Variants in PSMD3 observed in about 807,000 individuals in gnomAD.
PSMD3 encodes proteasome 26S subunit, non-ATPase 3, also known as 26S proteasome non-ATPase regulatory subunit 3.
In PSMD3, 5 loss-of-function variants were observed where a neutral mutation model predicts 62.8. That is an observed-to-expected ratio of 0.08 (90% CI 0.04 to 0.17). PSMD3 has a LOEUF of 0.17. PSMD3 is among the 10% of genes least tolerant of loss of function. PSMD3 has a pLI of 1.00. For synonymous variants in PSMD3, 265 were observed against 283.9 expected (o/e 0.93, Z 0.67); for missense variants, 524 against 713.6 (o/e 0.73, Z 3.03).
rs555631976 is a variant in PSMD3 at position 39,981,059 on chromosome 17, C to G, written c.89C>G (p.Pro30Arg). The change falls in exon 1 of 12, where the codon CCG (proline) becomes CGG (arginine). Residue 30 changes from proline (P) to arginine (R), a missense_variant. Physicochemically the swap from Pro to Arg is moderately radical, Grantham distance 103 (BLOSUM62 -2). Coordinates refer to ENST00000264639, the MANE Select transcript of PSMD3 (RefSeq NM_002809.4). ...GGAGAACAAGAACCCCCACCGCCGC[C>G]GGCCCCCCAGGATGTGGAGATGAAA... ...GGGEQEPPPPPAPQDVEMKEE... is the reference protein window; with the variant it reads ...GGGEQEPPPPRAPQDVEMKEE... 1.9e-6 allele frequency: 3 copies of G among 1,550,052 alleles called. No individual in the cohort carries two copies. Among genetic ancestry groups the G allele is most frequent in the Non-Finnish European group, 2.6e-6 (3 of 1,146,696 alleles).
chr17:39,991,042 G>A (rs1980643165), intron 6 of PSMD3, among the ~76,000 whole-genome samples: 1 of 151,994 alleles, frequency 6.6e-6, no homozygotes, highest in South Asian at 2.1e-4. Context: ...GCAATGGCAC[G>A]ATCTTTTCTC....
chr17:39,995,609 C>G lies in PSMD3; in HGVS notation c.1320+82C>G. The G allele has an allele frequency of 1.5e-6, 2 of 1,356,020 alleles. No individual in the cohort carries two copies. The highest frequency in any genetic ancestry group is 2.1e-6 in the Non-Finnish European group (2 of 952,874). The allele number at this position is 1,356,020 out of a possible 1,614,324, so 84.0% of individuals were successfully genotyped here. ...GAGGCAGGAGTGGGAGGAGTTTGGCCAAGGAGGGGAATAGGTAAAGCAATG... is the reference window on the plus strand; with the variant it reads ...GAGGCAGGAGTGGGAGGAGTTTGGCGAAGGAGGGGAATAGGTAAAGCAATG... On this transcript the variant is annotated intron_variant, in intron 9 of 11. Transcript: ENST00000264639. This position sits in a 1 kb window ranked among gnomAD's most constrained non-coding sequence, Gnocchi z 4.1.
At chr17:39,987,058 A>T (rs2144810151) in intron 3 of PSMD3, among the ~76,000 whole-genome samples, 1 of 152,342 alleles carries the variant, frequency 6.6e-6, no homozygotes, top group African/African-American at 2.4e-5. Context: ...TATATGTAAG[A>T]TGGGGATAAT....
rs1163295493 is a variant in PSMD3 at position 39,997,922 on chromosome 17, G to T, written c.*341G>T. ...TGGCTTGTATGTTTTTTGAAGCTTC[G>T]ATTATGATTTTTAAACAATAAAAAG... On this transcript the variant is annotated 3_prime_UTR_variant, in exon 12 of 12. Coordinates refer to ENST00000264639, the MANE Select transcript of PSMD3 (RefSeq NM_002809.4). 5 of 346,274 alleles carry T rather than the reference G, an allele frequency of 1.4e-5. No homozygotes were observed. The East Asian group carries it at 2.9e-4, about 20-fold the overall frequency. 21.5% of individuals were successfully genotyped at this position (346,274 alleles called of 1,614,324 possible).
chr17:39,989,951 A>G (rs758019494), intron 5 of PSMD3, 22 bp downstream of exon 5: 2 of 1,603,408 alleles, frequency 1.2e-6, no homozygotes, highest in South Asian at 2.2e-5. Flanking sequence ...GGCCCAACCC[A>G]TAAATCAGAA....
chr17:39,991,714 T>C (rs1980658711), intron 6 of PSMD3, among the ~76,000 whole-genome samples: 1 of 152,150 alleles, frequency 6.6e-6, no homozygotes, highest in African/African-American at 2.4e-5. Flanking sequence ...GTCAGATTTG[T>C]TTTTGATCAA....
chr17:39,984,352 C>T lies in PSMD3; in HGVS notation c.279C>T (p.Phe93=), dbSNP rs201112076. The part of the protein sequence containing the change: ...EKAVSGKEPR[F]VLRALRMLPS... ...CGGTTTCAGGCAAGGAGCCGAGATT[C>T]GTGCTGCGGGCCCTGCGGATGCTGC... Residue 93 remains phenylalanine (F), a synonymous_variant, in exon 2 of 12, where the codon TTC becomes TTT. Coordinates refer to ENST00000264639, the MANE Select transcript of PSMD3 (RefSeq NM_002809.4). The T allele has an allele frequency of 2.1e-5, 34 of 1,613,648 alleles. No individual in the cohort carries two copies. The highest frequency in any genetic ancestry group is 2.4e-5 in the Non-Finnish European group (28 of 1,180,010).
At chr17:39,987,959 T>C (rs1022600247) in intron 3 of PSMD3, among the ~76,000 whole-genome samples, 1 of 152,110 alleles carries the variant, frequency 6.6e-6, no homozygotes, top group African/African-American at 2.4e-5. Context: ...TACAAAAAAT[T>C]AGCCGGGCGT....
rs1280889363 is a variant in PSMD3 at position 39,986,643 on chromosome 17, G to C, written c.480G>C (p.Leu160=). 5 of 1,614,018 alleles carry C rather than the reference G, an allele frequency of 3.1e-6. No homozygotes were observed. The highest frequency in any genetic ancestry group is 4.2e-6 in the Non-Finnish European group (5 of 1,180,036). ...GAAAAGCTGCGTCGACACCCCTCCT[G>C]CCTGAAGTGGAAGCCTATCTCCAAC... ...RTGKAASTPL[L]PEVEAYLQLL... The change falls in exon 3 of 12, where the codon CTG becomes CTC. Residue 160 remains leucine, a synonymous_variant. Transcript: ENST00000264639.
chr17:39,981,898 G>C (rs960203101), intron 1 of PSMD3, among the ~76,000 whole-genome samples: 2 of 152,134 alleles, frequency 1.3e-5, no homozygotes, highest in African/African-American at 4.8e-5. Flanking sequence ...TTTTCTCCGA[G>C]GTTCCTGTTT....
At chr17:39,994,911 A>T (rs1163635038) in intron 6 of PSMD3, 43 bp from the exon 7 acceptor site, 3 of 1,564,754 alleles carry the variant, frequency 1.9e-6, no homozygotes, top group Admixed American at 1.7e-5. Flanking sequence ...TCTTCCGCCC[A>T]TGGGGCTCCC....
rs756209157 is a variant in PSMD3 at position 39,995,282 on chromosome 17, C to T, written c.1203C>T (p.Asn401=). 20 of 1,614,026 alleles carry T rather than the reference C, an allele frequency of 1.2e-5. No homozygotes were observed. The highest frequency in any genetic ancestry group is 3.4e-6 in the Non-Finnish European group (4 of 1,180,046). ...CCCTAATTATCCGGCTGCGGCACAA[C>T]GTGATTAAGACAGGTGTGGATCAGG... The part of the protein sequence containing the change: ...TYTLIIRLRH[N]VIKTGVRMIS... Residue 401 remains asparagine, a synonymous_variant, in exon 8 of 12, where the codon AAC becomes AAT. Coordinates refer to ENST00000264639, the MANE Select transcript of PSMD3 (RefSeq NM_002809.4). This position sits in a 1 kb window ranked among gnomAD's most constrained non-coding sequence, Gnocchi z 4.1.
chr17:39,981,284 C>T (rs1283867780), intron 1 of PSMD3, 94 bp downstream of exon 1: 3 of 1,523,540 alleles, frequency 2.0e-6, no homozygotes, highest in East Asian at 4.9e-5. Flanking sequence ...CAGCCTCCAC[C>T]ACCCTCAGTT....
rs1980758414 is a variant in PSMD3 at position 39,995,378 on chromosome 17, G to A, written c.1217-46G>A. The A allele has an allele frequency of 6.2e-7, 1 of 1,612,820 alleles. No homozygotes were observed. Among genetic ancestry groups the A allele is most frequent in the African/African-American group, 1.3e-5 (1 of 74,882 alleles). ...TAGTGGGTATCCTTGGGCAAGTGAA[G>A]GGTCTGTGTCCACTCTGCCCACCCC... On this transcript the variant is annotated intron_variant, in intron 8 of 11. Transcript: ENST00000264639. The surrounding 1 kb of genome is among the most constrained non-coding windows in gnomAD (Gnocchi z 4.1).
intron 6 of PSMD3, chr17:39,993,177 T>C (rs2144815065): frequency 6.6e-6 from 1 of 152,386 alleles, no homozygotes; most frequent in Admixed American, 6.5e-5. Context: ...TGTTTTCACA[T>C]GGTCTTCCCT....
chr17:39,994,235 CCT>C (rs1005971230), intron 6 of PSMD3: 6 of 152,822 alleles, frequency 3.9e-5, no homozygotes, highest in African/African-American at 1.2e-4. Context: ...CGTTGTAACC[CCT>C]GTCTCCTGTG....
intron 6 of PSMD3, among the ~76,000 whole-genome samples, chr17:39,991,949 C>T (rs1381390261): frequency 1.3e-5 from 2 of 150,450 alleles, no homozygotes; most frequent in African/African-American, 4.9e-5. Flanking sequence ...CACTTGGGCC[C>T]AGGAAGTCGA....
intron 3 of PSMD3, among the ~76,000 whole-genome samples, chr17:39,988,326 A>G (rs1980574540): frequency 6.6e-6 from 1 of 152,214 alleles, no homozygotes; most frequent in African/African-American, 2.4e-5. Context: ...AAATGGAATT[A>G]CACACCGTGT....
chr17:39,984,092 C>A (rs932314626), intron 1 of PSMD3, among the ~76,000 whole-genome samples: 1 of 150,750 alleles, frequency 6.6e-6, no homozygotes, highest in Non-Finnish European at 1.5e-5. Flanking sequence ...CCCAGCTACT[C>A]GGGAGGCTGA....
Sources: gnomAD v4.1 joint callset for allele counts (sites outside exome capture counted in the v4.1 genomes callset) on GRCh38, gnomAD v4.1.1 for gene constraint, Gnocchi (gnomAD v3.1) non-coding constraint, MANE v1.5 for transcripts, NCBI Gene and HGNC (gene_info 2026-07-23, HGNC 2026-07-21) for gene names.